The following SEPTIN5 variants were observed in gnomAD, a reference collection of about 807,000 sequenced individuals.
SEPTIN5 encodes septin-5.
Under a neutral mutation model 51.2 loss-of-function variants are expected in SEPTIN5, and 16 were observed. The observed-to-expected ratio is 0.31, with a 90% CI of 0.21 to 0.47. The LOEUF (loss-of-function observed/expected upper bound fraction) is 0.47. Among genes scored for constraint, SEPTIN5 ranks in the 20% least tolerant of loss-of-function variants. The probability of loss-of-function intolerance (pLI) is 0.99; values close to 1 mark genes in which losing one functional copy is unlikely to be tolerated. For synonymous variants in SEPTIN5, 208 were observed against 191.2 expected (o/e 1.09, Z -0.72); for missense variants, 376 against 500.3 (o/e 0.75, Z 2.37).
At chr22:19,719,263 G>C (rs1300909879) in intron 2 of SEPTIN5, among the ~76,000 whole-genome samples, 1 of 152,206 alleles carries the variant, frequency 6.6e-6, no homozygotes, top group East Asian at 1.9e-4. Context: ...CCTTGAGTGT[G>C]TCCCAGGGGT....
At chr22:19,721,536 A>C (rs1253803311) in intron 8 of SEPTIN5, 104 bp from the exon 9 acceptor site, 1 of 1,208,330 alleles carries the variant, frequency 8.3e-7, no homozygotes, top group African/African-American at 1.5e-5. Context: ...GAGATAGTTG[A>C]TGGTGATGCT....
chr22:19,715,552 GC>G (rs1935900997), intron 2 of SEPTIN5, among the ~76,000 whole-genome samples: 1 of 152,360 alleles, frequency 6.6e-6, no homozygotes, highest in East Asian at 1.9e-4. Flanking sequence ...GCTGGGGAAA[GC>G]CTGCTGGTGT....
chr22:19,722,647 C>A lies in SEPTIN5; in HGVS notation c.*163C>A. ...GGTCATTGTGTCTGTTTCCGAGGGG[C>A]CTGGACCGTAGCCCCCGCCCAGCTG... On this transcript the variant is annotated 3_prime_UTR_variant, in exon 12 of 12. Transcript: ENST00000455784. 1 of 786,716 alleles carries A rather than the reference C, an allele frequency of 1.3e-6. No individual in the cohort carries two copies. Among genetic ancestry groups the A allele is most frequent in the Non-Finnish European group, 2.0e-6 (1 of 495,906 alleles). 48.7% of individuals were successfully genotyped at this position (786,716 alleles called of 1,614,324 possible).
intron 2 of SEPTIN5, chr22:19,718,328 T>C (rs1364632176): frequency 5.8e-5 from 53 of 920,480 alleles, no homozygotes; most frequent in Non-Finnish European, 6.6e-5. Context: ...AGCCCTGCCC[T>C]CCGCAGCCGC....
rs1323165275 is a variant in SEPTIN5 at position 19,714,665 on chromosome 22, G to C, written c.43+34G>C. ...AGCGCCTGCCCGCGTGCCCGCGCGC[G>C]CCTTTGTCCCCGCCGCCCGCGCGCC... is the stretch of plus-strand genomic sequence containing the variant. On this transcript the variant is annotated intron_variant, in intron 1 of 11. Transcript: ENST00000455784. The surrounding 1 kb of genome is among the most constrained non-coding windows in gnomAD (Gnocchi z 5.2). 1.5e-6 allele frequency: 2 copies of C among 1,339,954 alleles called. No individual in the cohort carries two copies. The highest frequency in any genetic ancestry group is 2.6e-5 in the East Asian group (1 of 38,612). 83.0% of individuals were successfully genotyped at this position (1,339,954 alleles called of 1,614,324 possible).
rs780306944 is a variant in SEPTIN5, at chr22:19,722,243, G to C, written c.957G>C (p.Leu319=). ...TCCCCCCCGCCCCGCGCAGCAAACT[G>C]ACCCAGGACAGCCGCATGGAGAGCC... ...AHCIQQMTSK[L]TQDSRMESPI... is the part of the protein sequence containing the mutation. Residue 319 remains leucine (L), a synonymous_variant, in exon 11 of 12, where the codon CTG becomes CTC. Coordinates refer to ENST00000455784, the MANE Select transcript of SEPTIN5 (RefSeq NM_002688.6). 62 of 1,605,216 alleles carry C rather than the reference G, an allele frequency of 3.9e-5. No homozygotes were observed. The highest frequency in any genetic ancestry group is 5.1e-5 in the Admixed American group (3 of 59,366).
Position 19,722,313 on chromosome 22 carries a change from A to C in SEPTIN5, c.1027A>C (p.Lys343Gln). 6.2e-7 allele frequency: 1 copy of C among 1,610,634 alleles called. No individual in the cohort carries two copies. Among genetic ancestry groups the C allele is most frequent in the South Asian group, 1.1e-5 (1 of 90,834 alleles). ...PLPTPDAETEKLIRMKDEELR... is the reference protein window; with the variant it reads ...PLPTPDAETEQLIRMKDEELR... ...GCCCACCCCGGACGCCGAGACTGAG[A>C]AGCTTATCAGGATGAAGGATGAGGA... is the stretch of plus-strand genomic sequence containing the variant. Residue 343 changes from lysine (K) to glutamine (Q), a missense_variant, in exon 11 of 12, where the codon AAG (lysine) becomes CAG (glutamine). By Grantham distance (53) the Lys-to-Gln change is moderately conservative. This residue lies in a region of SEPTIN5 where 89 missense variants were observed against 83.3 expected (regional missense o/e 1.07). Coordinates refer to ENST00000455784, the MANE Select transcript of SEPTIN5 (RefSeq NM_002688.6).
At chr22:19,719,473 TGCCAACGAAA>T in intron 2 of SEPTIN5, 119 bp from the exon 3 acceptor site, 1 of 722,898 alleles carries the variant, frequency 1.4e-6, no homozygotes, top group African/African-American at 1.8e-5. Context: ...CCCTTATTTT[TGCCAACGAAA>T]TGCCCCACCC....
chr22:19,714,547 CG>C lies in SEPTIN5; in HGVS notation c.-41del. 7.5e-7 allele frequency: 1 copy of C among 1,334,368 alleles called. No individual in the cohort carries two copies. The highest frequency in any genetic ancestry group is 9.6e-7 in the Non-Finnish European group (1 of 1,041,908). The allele number at this position is 1,334,368 out of a possible 1,614,324, so 82.7% of individuals were successfully genotyped here. Reference sequence around the variant, plus strand: ...GCCTCCGCCGCTTGTCGTCGCGCCCCGCCCGCGAGCCCGCCCCGCACGTCCC... The same window carrying C: ...GCCTCCGCCGCTTGTCGTCGCGCCCCCCCGCGAGCCCGCCCCGCACGTCCC... On this transcript the variant is annotated 5_prime_UTR_variant, in exon 1 of 12. Coordinates refer to ENST00000455784, the MANE Select transcript of SEPTIN5 (RefSeq NM_002688.6). This position sits in a 1 kb window ranked among gnomAD's most constrained non-coding sequence, Gnocchi z 5.2.
intron 2 of SEPTIN5, chr22:19,718,801 G>A (rs868646025): frequency 8.1e-7 from 1 of 1,237,564 alleles, no homozygotes; most frequent in Admixed American, 4.1e-5. Context: ...GCGGACCCAG[G>A]CCCAGAGGCG....
rs971377816 is a variant in SEPTIN5, at chr22:19,719,533, G to A, written c.55-69G>A. On this transcript the variant is annotated intron_variant, in intron 2 of 11. Transcript: ENST00000455784. The stretch of plus-strand genomic sequence containing the variant: ...TCTGCTGTCTCCTCATACCGCATTT[G>A]GTAAGAGACAGGGTATTGGGCTTCT... 1.3e-5 allele frequency: 16 copies of A among 1,279,356 alleles called. No individual in the cohort carries two copies. The East Asian group carries it at 3.9e-4, about 31-fold the overall frequency. The allele number at this position is 1,279,356 out of a possible 1,614,324, so 79.3% of individuals were successfully genotyped here.
intron 10 of SEPTIN5, 51 bp downstream of exon 10, chr22:19,722,008 T>C (rs1936048826): frequency 6.4e-7 from 1 of 1,570,124 alleles, no homozygotes; most frequent in African/African-American, 1.3e-5. Flanking sequence ...CCCGCCCACG[T>C]CTCCATAACT....
In SEPTIN5 at chr22:19,714,751, C is replaced by CCGGACT; in HGVS notation, c.44-27_44-22dup. The CCGGACT allele has an allele frequency of 6.3e-7, 1 of 1,589,150 alleles. No individual in the cohort carries two copies. The highest frequency in any genetic ancestry group is 8.5e-7 in the Non-Finnish European group (1 of 1,174,558). ...GGCCCGGACCCGCTCGGAACCGGAC[C>CCGGACT]CGGACTCGACCCCGACCCCGACCCC... On this transcript the variant is annotated intron_variant, in intron 1 of 11. Coordinates refer to ENST00000455784, the MANE Select transcript of SEPTIN5 (RefSeq NM_002688.6). This position sits in a 1 kb window ranked among gnomAD's most constrained non-coding sequence, Gnocchi z 5.2.
intron 2 of SEPTIN5, chr22:19,719,002 C>T: frequency 5.3e-6 from 3 of 570,016 alleles, no homozygotes; most frequent in Non-Finnish European, 5.2e-6. Flanking sequence ...CCTCACCTCA[C>T]GCGACTCCAA....
chr22:19,722,369 G>C (rs967385393), intron 11 of SEPTIN5, 30 bp downstream of exon 11: 4 of 1,596,166 alleles, frequency 2.5e-6, no homozygotes, highest in African/African-American at 1.3e-5. Flanking sequence ...CGGCGGAGGC[G>C]GGCGTCAGGG....
chr22:19,719,369 T>C, intron 2 of SEPTIN5: 1 of 539,484 alleles, frequency 1.9e-6, no homozygotes, highest in Non-Finnish European at 3.3e-6. Flanking sequence ...TGTCGGTCCC[T>C]GCAGAGCCCT....
At chr22:19,718,483 G>A in intron 2 of SEPTIN5, 3 of 1,187,648 alleles carry the variant, frequency 2.5e-6, no homozygotes, top group Non-Finnish European at 3.1e-6. Flanking sequence ...AGCGGGGCCT[G>A]CCCGGACTGC....
At chr22:19,720,724 G>A (rs185264794) in intron 7 of SEPTIN5, 44 bp from the exon 8 acceptor site, 3 of 1,611,154 alleles carry the variant, frequency 1.9e-6, no homozygotes, top group Admixed American at 3.3e-5. Context: ...AGTACCAGGG[G>A]GACTTGTCTG....
At chr22:19,719,395 C>G in intron 2 of SEPTIN5, 3 of 564,924 alleles carry the variant, frequency 5.3e-6, no homozygotes, top group Non-Finnish European at 6.3e-6. Context: ...GGATTGGGGC[C>G]AGGGGTGCCT....
Sources: gnomAD v4.1 joint callset for allele counts (sites outside exome capture counted in the v4.1 genomes callset) on GRCh38, gnomAD v4.1.1 for gene constraint, gnomAD v4.1.1 regional missense constraint, Gnocchi (gnomAD v3.1) non-coding constraint, MANE v1.5 for transcripts, NCBI Gene and HGNC (gene_info 2026-07-23, HGNC 2026-07-21) for gene names.